MAP2K3: variants seen among roughly 807,000 people sequenced by gnomAD.
The protein encoded by MAP2K3 is dual specificity mitogen-activated protein kinase kinase 3.
In MAP2K3, 30 loss-of-function variants were observed where a neutral mutation model predicts 46.4. The observed-to-expected ratio is 0.65, with a 90% confidence interval of 0.48 to 0.88. The LOEUF is 0.88. Among genes scored for constraint, MAP2K3 ranks in the 40% least tolerant of loss-of-function variants. The pLI is 0.00. For synonymous variants in MAP2K3, 189 were observed against 176.3 expected, an observed-to-expected ratio of 1.07 and a Z score of -0.57; for missense variants, 380 against 464.5, an observed-to-expected ratio of 0.82 and a Z score of 1.67.
chr17:21,289,561 A>G (rs1380673656), intron 1 of MAP2K3, among the ~76,000 whole-genome samples: 1 of 152,140 alleles, frequency 6.6e-6, no homozygotes. Flanking sequence ...CCCACGACTG[A>G]TGCCCACATG....
intron 1 of MAP2K3, chr17:21,296,119 G>A (rs1976233041): frequency 7.8e-7 from 1 of 1,289,588 alleles, no homozygotes; most frequent in Non-Finnish European, 1.0e-6. Flanking sequence ...ACCATTTATG[G>A]GCCACAACAG....
At chr17:21,305,634 A>G (rs894475394) in intron 9 of MAP2K3, among the ~76,000 whole-genome samples, 2 of 152,034 alleles carry the variant, frequency 1.3e-5, no homozygotes, top group African/African-American at 4.8e-5. Flanking sequence ...TCCGAAGTCC[A>G]GGTGTAGGGA....
rs569876976 is a variant in MAP2K3, at chr17:21,301,668, C to CG, written c.400-472dup. Among the ~76,000 whole-genome samples the CG allele has an allele frequency of 2.5e-3, 375 of 152,282 alleles. No individual in the cohort carries two copies. In the Middle Eastern group the frequency reaches 0.038, roughly 15 times the overall value. On this transcript the variant is annotated intron_variant, in intron 5 of 11. Transcript: ENST00000342679. ...TAGCCGATGGGGCCCCTGCAGCCTGCGGGTGCCCCCTGCGCATCTCCCAAC... is the reference window on the plus strand; with the variant it reads ...TAGCCGATGGGGCCCCTGCAGCCTGCGGGGTGCCCCCTGCGCATCTCCCAAC...
intron 1 of MAP2K3, among the ~76,000 whole-genome samples, chr17:21,294,602 G>T (rs548207053): frequency 6.6e-6 from 1 of 152,312 alleles, no homozygotes; most frequent in Admixed American, 6.5e-5. Context: ...CGCCCACCGT[G>T]TGGCCTCTCT....
At position 21,300,954 on chromosome 17, in the gene MAP2K3, T is replaced by TTGC; in HGVS notation, c.361_362insGCT (p.Cys120dup). ...ACATCAACATGCGCACGGTCGACTG[T>TTGC]TTCTACACTGTCACCTTCTACGGGG... On this transcript the variant is annotated inframe_insertion, in exon 5 of 12. Transcript: ENST00000342679. 1 of 1,611,658 alleles carries TTGC rather than the reference T, an allele frequency of 6.2e-7. No homozygotes were observed. Among genetic ancestry groups the TTGC allele is most frequent in the Non-Finnish European group, 8.5e-7 (1 of 1,177,920 alleles).
chr17:21,308,775 C>T (rs1367338385), intron 9 of MAP2K3, among the ~76,000 whole-genome samples: 1 of 152,184 alleles, frequency 6.6e-6, no homozygotes, highest in Non-Finnish European at 1.5e-5. Flanking sequence ...CTACCTCACA[C>T]ATACACACAC....
At chr17:21,293,519 C>T (rs1420918564) in intron 1 of MAP2K3, among the ~76,000 whole-genome samples, 1 of 152,312 alleles carries the variant, frequency 6.6e-6, no homozygotes, top group Non-Finnish European at 1.5e-5. Context: ...TGCTCCCGAG[C>T]CATGCTGGTC....
At chr17:21,296,211 G>A (rs1245015924) in intron 1 of MAP2K3, 1 of 1,286,438 alleles carries the variant, frequency 7.8e-7, no homozygotes. Context: ...TGCGGGGCAG[G>A]TGGGTGGCAT....
intron 1 of MAP2K3, among the ~76,000 whole-genome samples, chr17:21,295,158 G>A (rs1003531204): frequency 1.3e-5 from 2 of 152,310 alleles, no homozygotes; most frequent in Non-Finnish European, 2.9e-5. Context: ...AGGCCCTGCG[G>A]TGGGAAAGCA....
intron 7 of MAP2K3, 83 bp from the exon 8 acceptor site, chr17:21,304,342 GA>G (rs1174768047): frequency 1.9e-6 from 3 of 1,605,256 alleles, no homozygotes; most frequent in Admixed American, 1.7e-5. Context: ...TTGGGCGAGG[GA>G]GGGGGGCACA....
intron 5 of MAP2K3, among the ~76,000 whole-genome samples, chr17:21,301,214 C>T (rs532209605): frequency 7.7e-4 from 117 of 152,360 alleles, no homozygotes; most frequent in Non-Finnish European, 1.2e-3. Context: ...AAAGTTGACA[C>T]GGAAGGTAAA....
At chr17:21,299,439 T>TG (rs1390312983) in intron 3 of MAP2K3, among the ~76,000 whole-genome samples, 1 of 152,296 alleles carries the variant, frequency 6.6e-6, no homozygotes, top group Non-Finnish European at 1.5e-5. Flanking sequence ...CCCCACACTT[T>TG]GGGAGGCCGT....
rs201269632 is a variant in MAP2K3 at position 21,298,508 on chromosome 17, C to T, written c.116+29C>T. The T allele has an allele frequency of 2.0e-4, 321 of 1,614,192 alleles. No homozygotes were observed. The East Asian group carries it at 4.7e-3, about 24-fold the overall frequency. ...AGTCTGCCTCAGTTTCTCCCTGGCT[C>T]ACCCTGGAGAGGCTTCCCGAACAGG... On this transcript the variant is annotated intron_variant, in intron 2 of 11. Coordinates refer to ENST00000342679, the MANE Select transcript of MAP2K3 (RefSeq NM_145109.3).
At chr17:21,290,758 T>G (rs1452140554) in intron 1 of MAP2K3, among the ~76,000 whole-genome samples, 1 of 152,310 alleles carries the variant, frequency 6.6e-6, no homozygotes, top group African/African-American at 2.4e-5. Flanking sequence ...ACAACCAGCC[T>G]GGGCAACATA....
At chr17:21,287,197 G>A (rs1304020882) in intron 1 of MAP2K3, among the ~76,000 whole-genome samples, 1 of 152,204 alleles carries the variant, frequency 6.6e-6, no homozygotes, top group Non-Finnish European at 1.5e-5. Flanking sequence ...ATGTGCAGTG[G>A]GCCTGTCCTC....
chr17:21,298,342 T>G (rs775414440), intron 1 of MAP2K3, 71 bp from the exon 2 acceptor site: 12 of 1,603,222 alleles, frequency 7.5e-6, no homozygotes, highest in East Asian at 2.2e-5. Context: ...CAGGGCCTGA[T>G]GGCTCATGGG....
intron 5 of MAP2K3, 47 bp downstream of exon 5, chr17:21,301,040 C>T (rs1475947082): frequency 6.2e-7 from 1 of 1,613,130 alleles, no homozygotes. Flanking sequence ...TCCCACCCAT[C>T]AGTCGCCTGC....
chr17:21,306,539 T>G (rs1313163669), intron 9 of MAP2K3, among the ~76,000 whole-genome samples: 1 of 152,292 alleles, frequency 6.6e-6, no homozygotes, highest in African/African-American at 2.4e-5. Flanking sequence ...CAGGCTGGAA[T>G]GCAGTGGCAC....
At position 21,298,541 on chromosome 17, in the gene MAP2K3, G is replaced by A. The variant is rs1220829470; in HGVS notation, c.116+62G>A. The A allele has an allele frequency of 2.5e-6, 4 of 1,613,638 alleles. No homozygotes were observed. The African/African-American group carries it at 5.3e-5, about 22-fold the overall frequency. On this transcript the variant is annotated intron_variant, in intron 2 of 11. Coordinates refer to ENST00000342679, the MANE Select transcript of MAP2K3 (RefSeq NM_145109.3). The stretch of plus-strand genomic sequence containing the variant: ...AGAGGCTTCCCGAACAGGGCTCAAT[G>A]GAAGGAGTGAGAGGCAGGTGGGGCC...
Sources: allele counts gnomAD v4.1 joint callset (sites outside exome capture counted in the v4.1 genomes callset), GRCh38; gene constraint gnomAD v4.1.1; transcripts MANE v1.5; gene names NCBI Gene and HGNC (gene_info 2026-07-23, HGNC 2026-07-21).